Variants in ARHGAP6 observed in about 807,000 individuals in gnomAD.
The protein encoded by ARHGAP6 is rho GTPase-activating protein 6.
ARHGAP6 carries 16 observed loss-of-function variants against 55.7 expected under a neutral mutation model. The observed-to-expected ratio is 0.29, with a 90% CI of 0.19 to 0.44. ARHGAP6 has a LOEUF of 0.44. Ranked by LOEUF, ARHGAP6 falls within the 20% of genes least tolerant of loss-of-function variation. The pLI is 1.00. For synonymous variants in ARHGAP6, 382 were observed against 360.9 expected, an observed-to-expected ratio of 1.06 and a Z score of -0.66; for missense variants, 698 against 808.9, an observed-to-expected ratio of 0.86 and a Z score of 1.66.
At chrX:11,266,035 G>GTGCC (rs1373628616) in intron 1 of ARHGAP6, 23 of 63,372 alleles carry the variant, frequency 3.6e-4, no homozygotes, top group African/African-American at 1.9e-3. Context: ...GTGTGTGCCT[G>GTGCC]TGTGTGTGTG....
chrX:11,388,986 T>A (rs1802803581), intron 1 of ARHGAP6, among the ~76,000 whole-genome samples: 1 of 112,038 alleles, frequency 8.9e-6, no homozygotes. Context: ...TGCCTACAGA[T>A]TCTTTTTCTG....
chrX:11,154,627 G>T, intron 10 of ARHGAP6, among the ~76,000 whole-genome samples: 1 of 112,002 alleles, frequency 8.9e-6, no homozygotes, highest in East Asian at 2.8e-4. Flanking sequence ...CCAACCATAT[G>T]TTATAAGTGC....
At chrX:11,189,869 T>C (rs752945253) in intron 3 of ARHGAP6, among the ~76,000 whole-genome samples, 90 of 112,384 alleles carry the variant, frequency 8.0e-4, no homozygotes, top group African/African-American at 2.8e-3. Flanking sequence ...ATTGGCAATA[T>C]TTTAGATTCA....
intron 1 of ARHGAP6, chrX:11,298,927 C>T: frequency 8.3e-7 from 1 of 1,211,131 alleles, no homozygotes; most frequent in Non-Finnish European, 1.1e-6. Flanking sequence ...CCTGATCTGA[C>T]TCTGGAAGCT....
chrX:11,609,125 C>A (rs943240834), intron 1 of ARHGAP6, among the ~76,000 whole-genome samples: 7 of 111,712 alleles, frequency 6.3e-5, no homozygotes, highest in Non-Finnish European at 9.4e-5. Context: ...GGGACAAGTT[C>A]CCCAACTTCT....
At chrX:11,582,224 G>A (rs1223737406) in intron 1 of ARHGAP6, among the ~76,000 whole-genome samples, 1 of 111,023 alleles carries the variant, frequency 9.0e-6, no homozygotes, top group African/African-American at 3.3e-5. Flanking sequence ...TTTGACCCAG[G>A]GAGTCTGAGA....
rs188126761 is a variant in ARHGAP6 at position 11,516,654 on chromosome X, G to A, written c.588+147587C>T. Among the ~76,000 whole-genome samples, 3 of 111,972 alleles carry A rather than the reference G, an allele frequency of 2.7e-5. No homozygotes were observed. The East Asian group carries it at 8.3e-4, about 31-fold the overall frequency. On this transcript the variant is annotated intron_variant, in intron 1 of 12. Transcript: ENST00000337414. The stretch of plus-strand genomic sequence containing the variant: ...ACATAGGTCCTCATTCCTCCATTTT[G>A]CAGATGAAAAAACTGAGGACTTGGG...
At chrX:11,367,879 G>A (rs1192965086) in intron 1 of ARHGAP6, 1 of 619,322 alleles carries the variant, frequency 1.6e-6, no homozygotes, top group African/African-American at 2.5e-5. Context: ...AAAGCAACAA[G>A]GTCAATTCTT....
At chrX:11,268,640 C>A (rs936912089) in intron 1 of ARHGAP6, among the ~76,000 whole-genome samples, 9 of 111,541 alleles carry the variant, frequency 8.1e-5, no homozygotes, top group Non-Finnish European at 1.7e-4. Context: ...AAGTGACAAG[C>A]TTCATTTCTA....
At chrX:11,506,573 T>C (rs1480508906) in intron 1 of ARHGAP6, among the ~76,000 whole-genome samples, 1 of 111,701 alleles carries the variant, frequency 9.0e-6, no homozygotes, top group Non-Finnish European at 1.9e-5. Flanking sequence ...CATGAACTCA[T>C]CCTTTTATAT....
chrX:11,307,469 T>C (rs1372176375), intron 1 of ARHGAP6, among the ~76,000 whole-genome samples: 4 of 112,033 alleles, frequency 3.6e-5, no homozygotes, highest in African/African-American at 9.8e-5. Context: ...GCTCCTTCCA[T>C]AGGGTCCTGA....
At chrX:11,503,985 T>C (rs887971709) in intron 1 of ARHGAP6, among the ~76,000 whole-genome samples, 2 of 111,685 alleles carry the variant, frequency 1.8e-5, no homozygotes, top group Non-Finnish European at 3.8e-5. Flanking sequence ...CTACAAGATA[T>C]ATTTCTCTTT....
chrX:11,415,336 A>G (rs1400876153), intron 1 of ARHGAP6, among the ~76,000 whole-genome samples: 1 of 111,061 alleles, frequency 9.0e-6, no homozygotes, highest in Non-Finnish European at 1.9e-5. Context: ...TTCTCCAATC[A>G]CTGTGGATTT....
chrX:11,376,426 C>CA (rs927533171), intron 1 of ARHGAP6, among the ~76,000 whole-genome samples: 5 of 112,655 alleles, frequency 4.4e-5, no homozygotes, highest in African/African-American at 1.6e-4. Context: ...GGAGATGCAA[C>CA]ACTGTTGACT....
intron 1 of ARHGAP6, among the ~76,000 whole-genome samples, chrX:11,354,295 T>TCTCTCTCTCTC (rs2048900541): frequency 2.4e-5 from 1 of 41,054 alleles, no homozygotes; most frequent in African/African-American, 1.0e-4. Context: ...CTCTCTCTCT[T>TCTCTCTCTCTC]TCTCTCTCTC....
chrX:11,381,904 T>G (rs1385347189), intron 1 of ARHGAP6, among the ~76,000 whole-genome samples: 1 of 112,204 alleles, frequency 8.9e-6, no homozygotes, highest in Non-Finnish European at 1.9e-5. Context: ...GTTAACTATC[T>G]CTGGGTCTTC....
intron 1 of ARHGAP6, among the ~76,000 whole-genome samples, chrX:11,616,153 G>T (rs377371978): frequency 9.1e-6 from 1 of 109,936 alleles, no homozygotes; most frequent in African/African-American, 3.3e-5. Context: ...AGAATGGATT[G>T]TTATAACTAG....
Position 11,207,175 on chromosome X carries a change from G to T in ARHGAP6, c.749-10179C>A, listed in dbSNP as rs781197349. The stretch of plus-strand genomic sequence containing the variant: ...AGTGTTCTTTGATCTCACTGTACTC[G>T]TTGTTATTCATTTTTTTCTTCTTCT... On this transcript the variant is annotated intron_variant, in intron 2 of 12. Transcript: ENST00000337414. Among the ~76,000 whole-genome samples, 8 of 106,566 alleles carry T rather than the reference G, an allele frequency of 7.5e-5. No homozygotes were observed. The South Asian group carries it at 3.4e-3, about 45-fold the overall frequency. The allele number at this position is 106,566 out of a possible 115,157, so 92.5% of individuals were successfully genotyped here.
intron 2 of ARHGAP6, among the ~76,000 whole-genome samples, chrX:11,201,470 T>A (rs1178924781): frequency 8.9e-6 from 1 of 112,075 alleles, no homozygotes; most frequent in Non-Finnish European, 1.9e-5. Flanking sequence ...AACTTGTACA[T>A]GGGCAGGAGC....
Sources: gnomAD v4.1 joint callset for allele counts (sites outside exome capture counted in the v4.1 genomes callset) on GRCh38, gnomAD v4.1.1 for gene constraint, MANE v1.5 for transcripts, NCBI Gene and HGNC (gene_info 2026-07-23, HGNC 2026-07-21) for gene names.